KDM4B: variants seen among roughly 807,000 people sequenced by gnomAD.
KDM4B encodes lysine demethylase 4B.
KDM4B carries 32 observed loss-of-function variants against 125.2 expected under a neutral mutation model. The observed-to-expected ratio is 0.26, with a 90% CI of 0.19 to 0.34. KDM4B has a LOEUF of 0.34. Among genes scored for constraint, KDM4B ranks in the 10% least tolerant of loss-of-function variants. The probability of loss-of-function intolerance (pLI) is 1.00; values close to 1 mark genes in which losing one functional copy is unlikely to be tolerated. For missense variants in KDM4B, 1,190 were observed against 1,577.7 expected (o/e 0.75, Z 4.16); for synonymous variants, 721 against 677.9 (o/e 1.06, Z -0.99).
At chr19:5,030,351 C>G (rs755783782) in intron 2 of KDM4B, among the ~76,000 whole-genome samples, 29 of 152,300 alleles carry the variant, frequency 1.9e-4, no homozygotes, top group Non-Finnish European at 3.7e-4. Context: ...CTTCCTGGGC[C>G]CAGCTGGTCT....
intron 1 of KDM4B, among the ~76,000 whole-genome samples, chr19:5,014,085 C>G (rs1402476001): frequency 6.6e-6 from 1 of 152,216 alleles, no homozygotes; most frequent in Non-Finnish European, 1.5e-5. Flanking sequence ...TTTTAAAAAG[C>G]AGATTAAAAT....
In KDM4B at chr19:5,059,860, G is replaced by C. The variant is rs568748664; in HGVS notation, c.627-11150G>C. Among the ~76,000 whole-genome samples the C allele has an allele frequency of 4.6e-5, 7 of 152,342 alleles. No homozygotes were observed. The South Asian group carries it at 6.2e-4, about 14-fold the overall frequency. The stretch of plus-strand genomic sequence containing the variant: ...GTATCCAGACGACGTTCTGCACACA[G>C]AGACTCAGACTCCCACCAGGGCCTC... On this transcript the variant is annotated intron_variant, in intron 6 of 22. Coordinates refer to ENST00000159111, the MANE Select transcript of KDM4B (RefSeq NM_015015.3).
At chr19:5,146,499 G>A (rs538005108) in intron 21 of KDM4B, among the ~76,000 whole-genome samples, 2 of 152,252 alleles carry the variant, frequency 1.3e-5, no homozygotes, top group Non-Finnish European at 2.9e-5. Flanking sequence ...GGCTCAGGCA[G>A]CTCCTTGGAC....
Position 5,151,372 on chromosome 19 carries a change from CGGG to C in KDM4B, c.3155_3157del (p.Gly1052del), listed in dbSNP as rs2039944592. On this transcript the variant is annotated inframe_deletion, in exon 23 of 23. Coordinates refer to ENST00000159111, the MANE Select transcript of KDM4B (RefSeq NM_015015.3). ...GGGGCACCGCAGGAGCCCGCCTTCT[CGGG>C]GGAGGAGGCCAAGGCCGCCAAGCGC... 1.3e-6 allele frequency: 2 copies of C among 1,586,722 alleles called. No individual in the cohort carries two copies. Among genetic ancestry groups the C allele is most frequent in the East Asian group, 4.7e-5 (2 of 42,920 alleles).
At chr19:4,994,911 A>G (rs1318627147) in intron 1 of KDM4B, among the ~76,000 whole-genome samples, 1 of 152,190 alleles carries the variant, frequency 6.6e-6, no homozygotes, top group African/African-American at 2.4e-5. Context: ...AACTTCTCAG[A>G]ATCGACTTCA....
intron 1 of KDM4B, among the ~76,000 whole-genome samples, chr19:4,984,940 G>T (rs1389361693): frequency 6.6e-6 from 1 of 152,174 alleles, no homozygotes; most frequent in African/African-American, 2.4e-5. Flanking sequence ...TGCAGCCTTC[G>T]GGATCTGCTG....
intron 9 of KDM4B, among the ~76,000 whole-genome samples, chr19:5,090,952 G>C (rs547910135): frequency 1.3e-5 from 2 of 152,086 alleles, no homozygotes; most frequent in Middle Eastern, 3.2e-3. Context: ...TCTCCAAGGC[G>C]GCGGCTTCCT....
At chr19:5,060,580 C>T (rs776340596) in intron 6 of KDM4B, among the ~76,000 whole-genome samples, 16 of 151,484 alleles carry the variant, frequency 1.1e-4, no homozygotes, top group African/African-American at 2.2e-4. Flanking sequence ...ACAGAATAAA[C>T]GGCAAGGGGT....
At chr19:5,004,346 C>G (rs1237026526) in intron 1 of KDM4B, among the ~76,000 whole-genome samples, 1 of 152,228 alleles carries the variant, frequency 6.6e-6, no homozygotes, top group African/African-American at 2.4e-5. Flanking sequence ...CCCTCCTCAC[C>G]CGGCCTGGAG....
intron 1 of KDM4B, among the ~76,000 whole-genome samples, chr19:4,988,028 C>T (rs562156483): frequency 1.3e-5 from 2 of 152,332 alleles, no homozygotes; most frequent in East Asian, 3.9e-4. Context: ...GTGGGAATAA[C>T]AAACTCAGTT....
intron 10 of KDM4B, chr19:5,111,638 C>G: frequency 1.4e-6 from 1 of 700,748 alleles, no homozygotes. Context: ...AGATCTCACT[C>G]CTGTTTGGTG....
intron 1 of KDM4B, among the ~76,000 whole-genome samples, chr19:4,989,698 G>A (rs540601574): frequency 1.3e-5 from 2 of 151,706 alleles, no homozygotes; most frequent in East Asian, 3.9e-4. Flanking sequence ...TGTTGTCCAG[G>A]CTGGAGTGCA....
chr19:5,137,728 G>C (rs758394783), intron 17 of KDM4B, 52 bp downstream of exon 17: 1 of 1,493,360 alleles, frequency 6.7e-7, no homozygotes, highest in African/African-American at 1.4e-5. Flanking sequence ...GCCTGCCCTG[G>C]GCTGAGGCTC....
rs200993998 is a variant in KDM4B at position 5,127,564 on chromosome 19, A to G, written c.1316-3512A>G. Among the ~76,000 whole-genome samples the G allele has an allele frequency of 5.1e-4, 78 of 152,272 alleles. No homozygotes were observed. In the East Asian group the frequency reaches 0.014, roughly 27 times the overall value. ...TTGTCATTCACTGCTGTCTCCAGAC[A>G]GGGGATGGGGTGGCACTCATCAGCC... On this transcript the variant is annotated intron_variant, in intron 11 of 22. Coordinates refer to ENST00000159111, the MANE Select transcript of KDM4B (RefSeq NM_015015.3).
intron 6 of KDM4B, among the ~76,000 whole-genome samples, chr19:5,057,066 G>GCA (rs2037431491): frequency 1.8e-5 from 1 of 55,926 alleles, no homozygotes; most frequent in South Asian, 5.4e-4. Context: ...GTGTGTGTGT[G>GCA]CGCGCGCGCG....
At chr19:5,054,826 C>T (rs1403531752) in intron 6 of KDM4B, among the ~76,000 whole-genome samples, 1 of 152,226 alleles carries the variant, frequency 6.6e-6, no homozygotes, top group African/African-American at 2.4e-5. Context: ...GGCCTGGTCC[C>T]CTCCCCAGCC....
chr19:5,039,109 G>T (rs1490351603), intron 3 of KDM4B, among the ~76,000 whole-genome samples: 1 of 152,204 alleles, frequency 6.6e-6, no homozygotes, highest in Non-Finnish European at 1.5e-5. Flanking sequence ...AGGGCATTGT[G>T]AGCTGCAGCG....
At chr19:5,027,006 G>A (rs1313654579) in intron 2 of KDM4B, among the ~76,000 whole-genome samples, 1 of 152,218 alleles carries the variant, frequency 6.6e-6, no homozygotes, top group Non-Finnish European at 1.5e-5. Flanking sequence ...CTCACACCAC[G>A]GGGCAGCCGA....
At chr19:5,032,681 C>T (rs1212396783) in intron 2 of KDM4B, among the ~76,000 whole-genome samples, 185 bp from the exon 3 acceptor site, 1 of 152,218 alleles carries the variant, frequency 6.6e-6, no homozygotes, top group Non-Finnish European at 1.5e-5. Flanking sequence ...GCCTTTTATG[C>T]TCAGCAGAGT....
Sources: gnomAD v4.1 joint callset for allele counts (sites outside exome capture counted in the v4.1 genomes callset) on GRCh38, gnomAD v4.1.1 for gene constraint, MANE v1.5 for transcripts, NCBI Gene and HGNC (gene_info 2026-07-23, HGNC 2026-07-21) for gene names.